Variants in DLGAP2 observed in about 807,000 individuals in gnomAD.
DLGAP2 encodes the protein DLG associated protein 2.
DLGAP2 carries 26 observed loss-of-function variants against 100.3 expected under a neutral mutation model. The ratio of observed to expected loss-of-function variants is 0.26; its 90% CI spans 0.19 to 0.36. The LOEUF (loss-of-function observed/expected upper bound fraction) is 0.36. Among genes scored for constraint, DLGAP2 ranks in the 10% least tolerant of loss-of-function variants. The pLI is 1.00. For missense variants in DLGAP2, 1,858 were observed against 1,453.2 expected (o/e 1.28, Z -4.53); for synonymous variants, 886 against 630.1 (o/e 1.41, Z -6.08).
chr8:819,643 A>G (rs1440084554), intron 1 of DLGAP2, among the ~76,000 whole-genome samples: 1 of 152,264 alleles, frequency 6.6e-6, no homozygotes, highest in Non-Finnish European at 1.5e-5. Context: ...GAACATTATT[A>G]ACTGTACTGT....
At chr8:978,727 G>A (rs1434672141) in intron 2 of DLGAP2, among the ~76,000 whole-genome samples, 1 of 152,100 alleles carries the variant, frequency 6.6e-6, no homozygotes, top group Non-Finnish European at 1.5e-5. Flanking sequence ...TTGCCACGCG[G>A]GCATGTGTAT....
At chr8:1,512,632 A>T (rs901039961) in intron 4 of DLGAP2, among the ~76,000 whole-genome samples, 6 of 152,124 alleles carry the variant, frequency 3.9e-5, no homozygotes, top group Non-Finnish European at 7.4e-5. Context: ...AGCAAACAAC[A>T]TGGCAGTTGT....
chr8:1,056,560 C>G (rs1490851225), intron 2 of DLGAP2, among the ~76,000 whole-genome samples: 2 of 152,238 alleles, frequency 1.3e-5, no homozygotes, highest in East Asian at 3.8e-4. Flanking sequence ...AGGACTCCAA[C>G]TAATGACTTC....
intron 5 of DLGAP2, among the ~76,000 whole-genome samples, chr8:1,559,070 C>G (rs1802072622): frequency 6.6e-6 from 1 of 152,208 alleles, no homozygotes; most frequent in South Asian, 2.1e-4. Context: ...CAGTGTTGAA[C>G]TATCCCTAAA....
At chr8:1,548,545 C>T (rs1174252005) in intron 4 of DLGAP2, 81 bp from the exon 5 acceptor site, 7 of 1,271,638 alleles carry the variant, frequency 5.5e-6, no homozygotes, top group Non-Finnish European at 6.3e-6. Context: ...ATGAAGTCCA[C>T]GGTGGGGGTC....
rs1797980933 is a variant in DLGAP2, at chr8:1,644,083, CCGGT to C, written c.1810+11039_1810+11042del. ...CTCACCTGTGTCACCCTCGACCCCG[CCGGT>C]CCTCACCTGTGTCACCCTCGACCCC... On this transcript the variant is annotated intron_variant, in intron 8 of 14. Coordinates refer to ENST00000637795, the MANE Select transcript of DLGAP2 (RefSeq NM_001346810.2). Among the ~76,000 whole-genome samples, 2 of 140,062 alleles carry C rather than the reference CCGGT, an allele frequency of 1.4e-5. 1 individual carries two copies. The highest frequency in any genetic ancestry group is 5.3e-5 in the African/African-American group (2 of 37,398). The allele number at this position is 140,062 out of a possible 152,430, so 91.9% of individuals were successfully genotyped here. A position where few individuals can be genotyped will look rare whatever the true frequency, so the allele number is the denominator to read the frequency against.
intron 2 of DLGAP2, among the ~76,000 whole-genome samples, chr8:1,165,001 TTA>T (rs1338047771): frequency 6.6e-6 from 1 of 152,000 alleles, no homozygotes; most frequent in Non-Finnish European, 1.5e-5. Flanking sequence ...TTGGAGACTG[TTA>T]TGAGTTCAGG....
intron 2 of DLGAP2, among the ~76,000 whole-genome samples, chr8:1,082,140 C>T (rs954266429): frequency 6.6e-6 from 1 of 152,170 alleles, no homozygotes; most frequent in Non-Finnish European, 1.5e-5. Context: ...TTTACATAGA[C>T]ACCTTCCTGT....
In DLGAP2 at chr8:1,316,704, G is replaced by C. The variant is rs540488416; in HGVS notation, c.106+57821G>C. ...AAAATACAGCGTGCGTGAGTGCAGT[G>C]TCTATCCCATAGTGGTCTACACTCG... On this transcript the variant is annotated intron_variant, in intron 3 of 14. Coordinates refer to ENST00000637795, the MANE Select transcript of DLGAP2 (RefSeq NM_001346810.2). Among the ~76,000 whole-genome samples the C allele has an allele frequency of 6.5e-5, 9 of 138,582 alleles. No homozygotes were observed. The South Asian group carries it at 2.1e-3, about 33-fold the overall frequency. The allele number at this position is 138,582 out of a possible 152,430, so 90.9% of individuals were successfully genotyped here.
chr8:1,430,485 C>G (rs1048742972), intron 3 of DLGAP2, among the ~76,000 whole-genome samples: 2 of 152,056 alleles, frequency 1.3e-5, no homozygotes, highest in South Asian at 2.1e-4. Flanking sequence ...GCAGAAGAAG[C>G]CTGGAAAGAC....
chr8:1,436,048 G>A (rs750443862), intron 3 of DLGAP2, among the ~76,000 whole-genome samples: 6 of 152,162 alleles, frequency 3.9e-5, no homozygotes, highest in African/African-American at 9.7e-5. Flanking sequence ...GTGTGTGTAT[G>A]AGTCTGGGTT....
intron 3 of DLGAP2, 22 bp from the exon 4 acceptor site, chr8:1,501,344 G>T: frequency 1.3e-6 from 2 of 1,535,836 alleles, no homozygotes; most frequent in South Asian, 1.2e-5. Flanking sequence ...ATTAAAGAGT[G>T]ACTTTGTTTC....
chr8:973,205 G>A (rs988211752), intron 2 of DLGAP2, among the ~76,000 whole-genome samples: 5 of 151,700 alleles, frequency 3.3e-5, no homozygotes, highest in East Asian at 2.0e-4. Flanking sequence ...GGGCAGAGGC[G>A]ACCCCCACCT....
chr8:990,220 T>A (rs1313871221), intron 2 of DLGAP2, among the ~76,000 whole-genome samples: 1 of 151,982 alleles, frequency 6.6e-6, no homozygotes, highest in African/African-American at 2.4e-5. Context: ...TTTCACCTGT[T>A]ATATTTGTGT....
chr8:1,427,337 G>T (rs1797263856), intron 3 of DLGAP2, among the ~76,000 whole-genome samples: 1 of 152,178 alleles, frequency 6.6e-6, no homozygotes, highest in African/African-American at 2.4e-5. Context: ...GTATTACCAA[G>T]TGTAGAATAA....
At chr8:1,604,816 C>A (rs930609730) in intron 6 of DLGAP2, 2 of 151,406 alleles carry the variant, frequency 1.3e-5, no homozygotes, top group African/African-American at 4.9e-5. Context: ...AAAAAAAAAA[C>A]TCAAACATAA....
intron 4 of DLGAP2, among the ~76,000 whole-genome samples, chr8:1,530,974 C>G (rs1432770834): frequency 6.6e-6 from 1 of 152,140 alleles, no homozygotes; most frequent in African/African-American, 2.4e-5. Flanking sequence ...TTTTTGGATT[C>G]CATATATAAA....
intron 2 of DLGAP2, among the ~76,000 whole-genome samples, chr8:1,178,645 G>A (rs75133087): frequency 2.0e-5 from 3 of 152,080 alleles, no homozygotes; most frequent in Non-Finnish European, 4.4e-5. Flanking sequence ...TATAAATGCA[G>A]CTCAGCTCTC....
At chr8:1,064,922 A>G (rs1264093717) in intron 2 of DLGAP2, among the ~76,000 whole-genome samples, 1 of 152,196 alleles carries the variant, frequency 6.6e-6, no homozygotes, top group African/African-American at 2.4e-5. Flanking sequence ...GGGTGGGTGC[A>G]TGGAAGAGCA....
Sources: allele counts gnomAD v4.1 joint callset (sites outside exome capture counted in the v4.1 genomes callset), GRCh38; gene constraint gnomAD v4.1.1; transcripts MANE v1.5; gene names NCBI Gene and HGNC (gene_info 2026-07-23, HGNC 2026-07-21).